The following ERLEC1 variants were observed in gnomAD, a reference collection of about 807,000 sequenced individuals.
The protein encoded by ERLEC1 is ER lectin.
ERLEC1 carries 47 observed loss-of-function variants against 68.0 expected under a neutral mutation model. The observed-to-expected ratio is 0.69, with a 90% CI of 0.55 to 0.88. The LOEUF (loss-of-function observed/expected upper bound fraction) is 0.88. ERLEC1 is among the 40% of genes least tolerant of loss of function. The pLI is 0.00. For missense variants in ERLEC1, 567 were observed against 583.8 expected, an observed-to-expected ratio of 0.97 and a Z score of 0.30; for synonymous variants, 225 against 203.2, an observed-to-expected ratio of 1.11 and a Z score of -0.91.
intron 5 of ERLEC1, among the ~76,000 whole-genome samples, chr2:53,798,696 T>C (rs1268251794): frequency 6.6e-6 from 1 of 151,692 alleles, no homozygotes; most frequent in Non-Finnish European, 1.5e-5. Context: ...AAAGTTATTA[T>C]ATGTAGAAAT....
rs369340504 is a variant in ERLEC1, at chr2:53,796,009, A to G, written c.344A>G (p.Tyr115Cys). The G allele has an allele frequency of 6.9e-6, 11 of 1,594,794 alleles. No homozygotes were observed. The highest frequency in any genetic ancestry group is 8.5e-6 in the Non-Finnish European group (10 of 1,170,294). The change falls in exon 3 of 14, where the codon TAC (tyrosine) becomes TGC (cysteine). Residue 115 changes from tyrosine (Y) to cysteine (C), a missense_variant. Tyr to Cys is a radical substitution (Grantham distance 194). Coordinates refer to ENST00000185150, the MANE Select transcript of ERLEC1 (RefSeq NM_015701.5). ...CTATTTAAACAAAGCAGTTGTTCCT[A>G]CAGAGTATGTATTTTATGTTTACTT... ...EPLFKQSSCSYRIESYWTYEV... is the reference protein window; with the variant it reads ...EPLFKQSSCSCRIESYWTYEV...
chr2:53,817,789 C>T (rs1676980026), intron 13 of ERLEC1, 109 bp from the exon 14 acceptor site: 1 of 662,168 alleles, frequency 1.5e-6, no homozygotes, highest in Non-Finnish European at 2.7e-6. Context: ...TTATCTAAAA[C>T]AAGGACTCAT....
chr2:53,797,680 A>AAAAT, intron 4 of ERLEC1, 52 bp from the exon 5 acceptor site: 1 of 1,575,112 alleles, frequency 6.3e-7, no homozygotes, highest in Non-Finnish European at 8.7e-7. Flanking sequence ...TGTATCCTTA[A>AAAAT]AAATGTCTTT....
chr2:53,809,858 C>G (rs771004970), intron 10 of ERLEC1, among the ~76,000 whole-genome samples: 13 of 151,674 alleles, frequency 8.6e-5, no homozygotes, highest in Non-Finnish European at 1.3e-4. Context: ...GAGTTCGAGA[C>G]CAGCCTGGCC....
Position 53,796,011 on chromosome 2 carries a change from A to G in ERLEC1, c.346A>G (p.Arg116Gly), listed in dbSNP as rs1277759950. 1.3e-6 allele frequency: 2 copies of G among 1,591,818 alleles called. No homozygotes were observed. The highest frequency in any genetic ancestry group is 1.8e-5 in the Admixed American group (1 of 55,662). ...PLFKQSSCSY[R>G]IESYWTYEVC... is the part of the protein sequence containing the mutation. Reference sequence around the variant, plus strand: ...ATTTAAACAAAGCAGTTGTTCCTACAGAGTATGTATTTTATGTTTACTTGA... The same window carrying G: ...ATTTAAACAAAGCAGTTGTTCCTACGGAGTATGTATTTTATGTTTACTTGA... The change falls in exon 3 of 14, where the codon AGA becomes GGA. Residue 116 changes from arginine to glycine, a missense_variant and splice_region_variant. Transcript: ENST00000185150.
At chr2:53,808,565 G>A (rs1676424321) in intron 9 of ERLEC1, 105 bp downstream of exon 9, 1 of 1,116,940 alleles carries the variant, frequency 9.0e-7, no homozygotes, top group Non-Finnish European at 1.3e-6. Flanking sequence ...CTAGAGAAAT[G>A]ACAGGATCCT....
intron 9 of ERLEC1, among the ~76,000 whole-genome samples, chr2:53,808,898 G>A (rs1396011543): frequency 1.3e-5 from 2 of 152,058 alleles, no homozygotes; most frequent in Non-Finnish European, 2.9e-5. Flanking sequence ...CAAAGTGCTG[G>A]GATTACAGGC....
chr2:53,798,270 T>A (rs1450421871), intron 5 of ERLEC1, among the ~76,000 whole-genome samples: 3 of 144,164 alleles, frequency 2.1e-5, no homozygotes, highest in Admixed American at 1.4e-4. Flanking sequence ...TGTTTTCACC[T>A]TTTTTTTTTT....
intron 13 of ERLEC1, among the ~76,000 whole-genome samples, chr2:53,816,775 C>G (rs867851889): frequency 8.5e-5 from 13 of 152,182 alleles, no homozygotes; most frequent in African/African-American, 2.9e-4. Flanking sequence ...GTGGTTTTCT[C>G]TGTATTTATC....
chr2:53,810,075 C>A (rs1325913203), intron 10 of ERLEC1, among the ~76,000 whole-genome samples: 1 of 152,026 alleles, frequency 6.6e-6, no homozygotes, highest in Non-Finnish European at 1.5e-5. Context: ...CCTCAAAAAA[C>A]CAAACAAACA....
chr2:53,807,273 TC>T (rs1558602485), intron 8 of ERLEC1, among the ~76,000 whole-genome samples: 1 of 152,200 alleles, frequency 6.6e-6, no homozygotes, highest in Non-Finnish European at 1.5e-5. Context: ...AACACATAAA[TC>T]ACAAATTATT....
chr2:53,791,906 TAAAA>T (rs569591198), intron 1 of ERLEC1, among the ~76,000 whole-genome samples: 230 of 117,754 alleles, frequency 2.0e-3, no homozygotes, highest in African/African-American at 5.6e-3. Flanking sequence ...AATGCTCTTT[TAAAA>T]AAAAAAAAAA....
At chr2:53,792,942 C>T (rs1675489942) in intron 1 of ERLEC1, among the ~76,000 whole-genome samples, 3 of 150,820 alleles carry the variant, frequency 2.0e-5, no homozygotes. Context: ...TCCAGGAGGT[C>T]AGGCTGCAGT....
chr2:53,789,197 A>C (rs1438657700), intron 1 of ERLEC1, among the ~76,000 whole-genome samples: 1 of 151,908 alleles, frequency 6.6e-6, no homozygotes. Flanking sequence ...AATTCAAGAC[A>C]AGCCTGACCA....
At chr2:53,804,790 C>G (rs1281896437) in intron 8 of ERLEC1, among the ~76,000 whole-genome samples, 1 of 151,980 alleles carries the variant, frequency 6.6e-6, no homozygotes, top group African/African-American at 2.4e-5. Context: ...CCATCCCCAC[C>G]TCCTTCACAA....
At chr2:53,799,362 A>T (rs1408864090) in intron 6 of ERLEC1, among the ~76,000 whole-genome samples, 3 of 152,206 alleles carry the variant, frequency 2.0e-5, no homozygotes, top group Admixed American at 2.0e-4. Flanking sequence ...CGTGCTTAGC[A>T]GTGGTTCCCT....
intron 12 of ERLEC1, 48 bp downstream of exon 12, chr2:53,814,668 C>T (rs752227898): frequency 2.9e-6 from 4 of 1,382,256 alleles, no homozygotes; most frequent in Non-Finnish European, 4.1e-6. Flanking sequence ...CTTTTAACTG[C>T]TTCCTATGGA....
intron 9 of ERLEC1, 124 bp downstream of exon 9, chr2:53,808,584 C>A: frequency 1.1e-6 from 1 of 903,986 alleles, no homozygotes; most frequent in Non-Finnish European, 1.7e-6. Context: ...CTTTCATCCC[C>A]AAAGAACATT....
intron 1 of ERLEC1, among the ~76,000 whole-genome samples, chr2:53,789,958 G>A (rs2104269362): frequency 6.7e-6 from 1 of 149,670 alleles, no homozygotes; most frequent in East Asian, 2.0e-4. Flanking sequence ...GGCAGAAGTT[G>A]CAGTGATCCG....
Sources: allele counts gnomAD v4.1 joint callset (sites outside exome capture counted in the v4.1 genomes callset), GRCh38; gene constraint gnomAD v4.1.1; transcripts MANE v1.5; gene names NCBI Gene and HGNC (gene_info 2026-07-23, HGNC 2026-07-21).